Variants in SPG11 observed in about 807,000 individuals in gnomAD.
The protein encoded by SPG11 is spatacsin.
In SPG11, 222 loss-of-function variants were observed where a neutral mutation model predicts 274.0. The observed-to-expected ratio is 0.81, with a 90% CI of 0.73 to 0.91. The LOEUF is 0.91. SPG11 is among the 40% of genes least tolerant of loss of function. SPG11 has a pLI of 0.00. For missense variants in SPG11, 3,114 were observed against 2,872.7 expected (o/e 1.08, Z -1.92); for synonymous variants, 1,144 against 1,039.7 (o/e 1.10, Z -1.93).
intron 7 of SPG11, among the ~76,000 whole-genome samples, chr15:44,635,611 A>G (rs1346629623): frequency 2.7e-5 from 4 of 150,686 alleles, no homozygotes; most frequent in South Asian, 2.1e-4. Flanking sequence ...AAAAAAAAAA[A>G]AAAAAAAAAG....
intron 15 of SPG11, among the ~76,000 whole-genome samples, chr15:44,617,497 T>C (rs1045982740): frequency 4.6e-5 from 7 of 152,190 alleles, no homozygotes; most frequent in African/African-American, 1.7e-4. Context: ...TCCACTCTTG[T>C]GCAGGACCAC....
chr15:44,661,797 G>A (rs1048520736), intron 1 of SPG11, among the ~76,000 whole-genome samples: 4 of 152,130 alleles, frequency 2.6e-5, no homozygotes, highest in Non-Finnish European at 4.4e-5. Flanking sequence ...GATATATGAT[G>A]TAATTTCAAC....
At chr15:44,634,579 C>T (rs998328804) in intron 7 of SPG11, among the ~76,000 whole-genome samples, 1 of 151,546 alleles carries the variant, frequency 6.6e-6, no homozygotes, top group Non-Finnish European at 1.5e-5. Context: ...CCACTGCGCC[C>T]AGCCAGATTC....
At chr15:44,573,523 G>C (rs1236112838) in intron 32 of SPG11, 24 bp downstream of exon 32, 1 of 1,613,280 alleles carries the variant, frequency 6.2e-7, no homozygotes, top group Non-Finnish European at 8.5e-7. Flanking sequence ...CAGAGAGGTT[G>C]GGAATCCCCG....
intron 7 of SPG11, among the ~76,000 whole-genome samples, chr15:44,640,919 G>A (rs182789239): frequency 6.6e-6 from 1 of 152,018 alleles, no homozygotes; most frequent in Non-Finnish European, 1.5e-5. Context: ...TAGTAGAGAC[G>A]GGGTTTCACC....
intron 18 of SPG11, 137 bp downstream of exon 18, chr15:44,610,703 C>G (rs181243553): frequency 1.0e-6 from 1 of 955,110 alleles, no homozygotes; most frequent in East Asian, 2.7e-5. Flanking sequence ...TAAATTCAGC[C>G]TTATCCTCTG....
chr15:44,590,215 T>C (rs1376095774), intron 27 of SPG11, among the ~76,000 whole-genome samples: 1 of 152,244 alleles, frequency 6.6e-6, no homozygotes, highest in Non-Finnish European at 1.5e-5. Flanking sequence ...CTTCGCTAGT[T>C]CTACCACTTT....
rs771527450 is a variant in SPG11 at position 44,663,506 on chromosome 15, G to A, written c.142C>T (p.Arg48Cys). The stretch of plus-strand genomic sequence containing the variant: ...CTCCCCAGAGCCTCCGGCTGTGTGC[G>A]CAGCTGCGCCCGGGAGCCGAGCTGC... Reference protein sequence around the residue: ...MGQLGSRAQLRTQPEALGSLT... With the variant: ...MGQLGSRAQLCTQPEALGSLT... The change falls in exon 1 of 40, where the codon CGC becomes TGC. Residue 48 changes from arginine (R) to cysteine (C), a missense_variant. Arg to Cys is a radical substitution (Grantham distance 180). Coordinates refer to ENST00000261866, the MANE Select transcript of SPG11 (RefSeq NM_025137.4). 1.9e-6 allele frequency: 3 copies of A among 1,594,702 alleles called. No homozygotes were observed. The highest frequency in any genetic ancestry group is 1.7e-5 in the Admixed American group (1 of 57,274).
chr15:44,636,938 A>C lies in SPG11; in HGVS notation c.1603-3301T>G, dbSNP rs1363363612. 1.1e-3 allele frequency among the ~76,000 whole-genome samples: 128 copies of C among 113,082 alleles called. 1 individual carries two copies. The highest frequency in any genetic ancestry group is 1.6e-3 in the Non-Finnish European group (90 of 54,970). 74.2% of individuals were successfully genotyped at this position (113,082 alleles called of 152,430 possible). On this transcript the variant is annotated intron_variant, in intron 7 of 39. Transcript: ENST00000261866. ...AAGACTCCATCTCAAAAAAAAAAAAAAAAAAAAAAAAAAAAAAAACAAAAA... is the reference window on the plus strand; with the variant it reads ...AAGACTCCATCTCAAAAAAAAAAAACAAAAAAAAAAAAAAAAAAACAAAAA...
rs749100495 is a variant in SPG11 at position 44,610,998 on chromosome 15, A to T, written c.3146-13T>A. On this transcript the variant is annotated splice_polypyrimidine_tract_variant and intron_variant, in intron 17 of 39. Coordinates refer to ENST00000261866, the MANE Select transcript of SPG11 (RefSeq NM_025137.4). ...ATCAGTTTGGGATCTGGAAAATAAA[A>T]GACAGTGTTTTTCTCCTTAAGAGGG... 3 of 1,611,136 alleles carry T rather than the reference A, an allele frequency of 1.9e-6. No individual in the cohort carries two copies. The highest frequency in any genetic ancestry group is 2.3e-5 in the East Asian group (1 of 43,992).
Position 44,596,820 on chromosome 15 carries a change from AATG to A in SPG11, c.4122_4124del (p.Ile1376del). On this transcript the variant is annotated inframe_deletion, in exon 24 of 40. Transcript: ENST00000261866. Reference sequence around the variant, plus strand: ...GGTAGTTGTGGAGTTGGCTGTGAATAATGAACTGCAGCCAATCATTTGCTTTGG... The same window carrying A: ...GGTAGTTGTGGAGTTGGCTGTGAATAAACTGCAGCCAATCATTTGCTTTGG... 2 of 1,614,048 alleles carry A rather than the reference AATG, an allele frequency of 1.2e-6. No individual in the cohort carries two copies. Among genetic ancestry groups the A allele is most frequent in the Non-Finnish European group, 8.5e-7 (1 of 1,180,012 alleles).
At chr15:44,663,329 C>T in intron 1 of SPG11, 62 bp downstream of exon 1, 3 of 1,566,036 alleles carry the variant, frequency 1.9e-6, no homozygotes, top group Non-Finnish European at 2.6e-6. Context: ...GCCCTTGGGG[C>T]TCAGTCAGCC....
At chr15:44,564,320 G>A (rs2082265601) in intron 39 of SPG11, among the ~76,000 whole-genome samples, 1 of 152,158 alleles carries the variant, frequency 6.6e-6, no homozygotes, top group African/African-American at 2.4e-5. Flanking sequence ...GCACTGAGTA[G>A]CTATCCTCCC....
In SPG11 at chr15:44,566,217, C is replaced by T. The variant is rs1225051646; in HGVS notation, c.6843G>A (p.Lys2281=). 6.2e-7 allele frequency: 1 copy of T among 1,614,190 alleles called. No individual in the cohort carries two copies. The change falls in exon 37 of 40, where the codon AAG becomes AAA. Residue 2281 remains lysine, a splice_region_variant and synonymous_variant. Transcript: ENST00000261866. ...AGTCTGAAAAAAGCCTTTGGGTTAC[C>T]TTGGCATAACTCTCTGCTGCATCCA... ...LMLDAAESYA[K]DSCVRQAQHC... is the part of the protein sequence containing the mutation.
Position 44,564,545 on chromosome 15 carries a change from A to G in SPG11, c.7151+2T>C. On this transcript the variant is annotated splice_donor_variant, in intron 39 of 39. Coordinates refer to ENST00000261866, the MANE Select transcript of SPG11 (RefSeq NM_025137.4). LOFTEE classifies it high-confidence loss of function. ...TGTTTACAGTCAACTTTTAATACTT[A>G]CTTTTTGGAAATCTCTTCAAATATA... 1 of 1,613,610 alleles carries G rather than the reference A, an allele frequency of 6.2e-7. No homozygotes were observed. Among genetic ancestry groups the G allele is most frequent in the African/African-American group, 1.3e-5 (1 of 75,022 alleles).
intron 38 of SPG11, 73 bp from the exon 39 acceptor site, chr15:44,564,771 A>G (rs1447697274): frequency 1.4e-5 from 21 of 1,504,788 alleles, no homozygotes; most frequent in Non-Finnish European, 1.9e-5. Flanking sequence ...CTGTTGTAGA[A>G]AACAATACTG....
chr15:44,627,249 C>G (rs1048261683), intron 10 of SPG11, among the ~76,000 whole-genome samples: 3 of 152,080 alleles, frequency 2.0e-5, no homozygotes, highest in Non-Finnish European at 4.4e-5. Context: ...ACCAATAATC[C>G]ATGTGAAAAG....
chr15:44,615,526 A>G lies in SPG11; in HGVS notation c.2875T>C (p.Cys959Arg), dbSNP rs375859622. The G allele has an allele frequency of 2.4e-5, 39 of 1,614,012 alleles. No homozygotes were observed. The highest frequency in any genetic ancestry group is 4.0e-5 in the African/African-American group (3 of 74,926). The change falls in exon 16 of 40, where the codon TGC (cysteine) becomes CGC (arginine). Residue 959 changes from cysteine to arginine, a missense_variant. Physicochemically the swap from Cys to Arg is radical, Grantham distance 180 (BLOSUM62 -3). Transcript: ENST00000261866. ...ATACGGCTCAGTCTTAGGAGGAAGC[A>G]TTCAAAGTCTTCCAGTTCAGATGCC... Reference protein sequence around the residue: ...FLASELEDFECFLLRLSRIGG... With the variant: ...FLASELEDFERFLLRLSRIGG...
At chr15:44,629,976 C>T (rs2084011407) in intron 8 of SPG11, among the ~76,000 whole-genome samples, 2 of 152,064 alleles carry the variant, frequency 1.3e-5, no homozygotes, top group Admixed American at 6.6e-5. Context: ...GAGGCTGAGG[C>T]AGAAGAATTG....
Sources: gnomAD v4.1 joint callset for allele counts (sites outside exome capture counted in the v4.1 genomes callset) on GRCh38, gnomAD v4.1.1 for gene constraint, MANE v1.5 for transcripts, NCBI Gene and HGNC (gene_info 2026-07-23, HGNC 2026-07-21) for gene names.